ZYG11B: variants seen among roughly 807,000 people sequenced by gnomAD.
ZYG11B encodes zyg-11 family member B, cell cycle regulator, also known as protein zyg-11 homolog B.
Under a neutral mutation model 82.4 loss-of-function variants are expected in ZYG11B, and 36 were observed. The observed-to-expected ratio is 0.44, with a 90% CI of 0.33 to 0.58. ZYG11B has a LOEUF of 0.58. ZYG11B is among the 20% of genes least tolerant of loss of function. The probability of loss-of-function intolerance (pLI) is 0.02; values close to 1 mark genes in which losing one functional copy is unlikely to be tolerated. For synonymous variants in ZYG11B, 303 were observed against 312.8 expected, an observed-to-expected ratio of 0.97 and a Z score of 0.33; for missense variants, 552 against 895.6, an observed-to-expected ratio of 0.62 and a Z score of 4.90.
In ZYG11B at chr1:52,756,541, A is replaced by G; in HGVS notation, c.114A>G (p.Gln38=). ...TTGAGAAGTTCTGTTCAGCCAGACA[A>G]GATGGAACATTGTGTCTGCAGGAAC... is the stretch of plus-strand genomic sequence containing the variant. ...THLEKFCSAR[Q]DGTLCLQEPG... The change falls in exon 2 of 14, where the codon CAA becomes CAG. Residue 38 remains glutamine, a synonymous_variant. Coordinates refer to ENST00000294353, the MANE Select transcript of ZYG11B (RefSeq NM_024646.3). The G allele has an allele frequency of 1.2e-6, 2 of 1,614,118 alleles. No individual in the cohort carries two copies. The highest frequency in any genetic ancestry group is 8.5e-7 in the Non-Finnish European group (1 of 1,179,988).
intron 1 of ZYG11B, among the ~76,000 whole-genome samples, chr1:52,741,791 A>G (rs539510500): frequency 1.3e-5 from 2 of 152,274 alleles, no homozygotes; most frequent in Admixed American, 6.5e-5. Flanking sequence ...CAACAATCCT[A>G]TGACATAGGC....
At chr1:52,792,737 T>TA (rs1644970184) in intron 6 of ZYG11B, among the ~76,000 whole-genome samples, 1 of 152,248 alleles carries the variant, frequency 6.6e-6, no homozygotes, top group African/African-American at 2.4e-5. Context: ...AAATTAACTT[T>TA]TATAAAGAAC....
chr1:52,786,398 G>A (rs1389718977), intron 5 of ZYG11B, among the ~76,000 whole-genome samples: 1 of 152,110 alleles, frequency 6.6e-6, no homozygotes, highest in African/African-American at 2.4e-5. Context: ...TTAAGTAGGT[G>A]AATCGTATGG....
At chr1:52,747,500 G>A (rs6685599) in intron 1 of ZYG11B, among the ~76,000 whole-genome samples, 90,677 of 151,924 alleles carry the variant, frequency 0.6, 29,735 homozygotes, top group East Asian at 0.97. Context: ...ACAGACCTGG[G>A]TTTGTATCTT....
At chr1:52,775,466 G>A (rs1435490507) in intron 3 of ZYG11B, among the ~76,000 whole-genome samples, 8 of 151,218 alleles carry the variant, frequency 5.3e-5, no homozygotes, top group African/African-American at 9.7e-5. Flanking sequence ...CAAGGCGGGC[G>A]GATCACTTGA....
intron 1 of ZYG11B, among the ~76,000 whole-genome samples, chr1:52,747,799 T>C (rs1198884861): frequency 6.6e-6 from 1 of 152,166 alleles, no homozygotes; most frequent in East Asian, 1.9e-4. Context: ...AAAGCACAGA[T>C]TTAACTCTAG....
At chr1:52,803,099 C>CAT (rs1165271089) in intron 10 of ZYG11B, among the ~76,000 whole-genome samples, 3 of 10,794 alleles carry the variant, frequency 2.8e-4, no homozygotes, top group African/African-American at 9.1e-4. Flanking sequence ...TATATATATA[C>CAT]ATATATATAT....
chr1:52,756,633 T>A lies in ZYG11B; in HGVS notation c.196+10T>A. On this transcript the variant is annotated intron_variant, in intron 2 of 13. Transcript: ENST00000294353. ...ACCATGGCTTTTCATGGTAAAAAAA[T>A]AAACAGAGGAAACAAAAATTATGTG... The A allele has an allele frequency of 6.3e-7, 1 of 1,590,884 alleles. No homozygotes were observed. The highest frequency in any genetic ancestry group is 8.6e-7 in the Non-Finnish European group (1 of 1,166,452).
chr1:52,773,207 C>T (rs1443783920), intron 3 of ZYG11B, among the ~76,000 whole-genome samples: 1 of 151,918 alleles, frequency 6.6e-6, no homozygotes, highest in Non-Finnish European at 1.5e-5. Flanking sequence ...GGTGCAGTGG[C>T]TCACACCTAT....
chr1:52,800,135 G>A lies in ZYG11B; in HGVS notation c.1486-1684G>A, dbSNP rs543662852. 2.0e-5 allele frequency among the ~76,000 whole-genome samples: 3 copies of A among 151,956 alleles called. No individual in the cohort carries two copies. In the South Asian group the frequency reaches 6.3e-4, roughly 32 times the overall value. On this transcript the variant is annotated intron_variant, in intron 8 of 13. Transcript: ENST00000294353. The stretch of plus-strand genomic sequence containing the variant: ...TAATAAAAAAAAAAAAATTAGCTGG[G>A]CTTGGTGACATGCACCTGTGGTCTC...
chr1:52,751,370 C>A (rs1240153621), intron 1 of ZYG11B, among the ~76,000 whole-genome samples: 1 of 149,530 alleles, frequency 6.7e-6, no homozygotes, highest in Non-Finnish European at 1.5e-5. Context: ...TGGCTCACAC[C>A]TGTAATCCCA....
chr1:52,780,732 G>A (rs964205789), intron 4 of ZYG11B, among the ~76,000 whole-genome samples: 1 of 152,138 alleles, frequency 6.6e-6, no homozygotes, highest in Non-Finnish European at 1.5e-5. Context: ...AACCTCCCAA[G>A]TAGCTAGGAC....
At chr1:52,807,041 G>T (rs1645146761) in intron 10 of ZYG11B, among the ~76,000 whole-genome samples, 2 of 151,866 alleles carry the variant, frequency 1.3e-5, no homozygotes, top group African/African-American at 4.8e-5. Flanking sequence ...GCAAATTTTT[G>T]TATTTTTAGT....
At chr1:52,767,808 G>C (rs999381534) in intron 2 of ZYG11B, among the ~76,000 whole-genome samples, 1 of 152,086 alleles carries the variant, frequency 6.6e-6, no homozygotes, top group African/African-American at 2.4e-5. Context: ...ATTACTGTTG[G>C]GCAGTTGTGA....
chr1:52,796,458 C>A, intron 7 of ZYG11B, 67 bp downstream of exon 7: 1 of 1,322,654 alleles, frequency 7.6e-7, no homozygotes, highest in Non-Finnish European at 1.1e-6. Flanking sequence ...CTGTTTCCCC[C>A]CAAAAGCTGT....
chr1:52,805,781 A>T (rs1379351449), intron 10 of ZYG11B, among the ~76,000 whole-genome samples: 1 of 152,156 alleles, frequency 6.6e-6, no homozygotes, highest in Non-Finnish European at 1.5e-5. Flanking sequence ...GTGAACCAAG[A>T]TCACGCCACT....
intron 8 of ZYG11B, among the ~76,000 whole-genome samples, chr1:52,797,445 T>A (rs1471548006): frequency 9.2e-6 from 1 of 108,402 alleles, no homozygotes; most frequent in African/African-American, 3.6e-5. Flanking sequence ...AACATATATA[T>A]TATATATCAT....
intron 8 of ZYG11B, among the ~76,000 whole-genome samples, chr1:52,801,527 G>A (rs1306024347): frequency 8.9e-6 from 1 of 111,840 alleles, no homozygotes; most frequent in African/African-American, 4.8e-5. Flanking sequence ...TCTAAAATAA[G>A]TATATGCTGT....
At chr1:52,760,313 G>A (rs917321414) in intron 2 of ZYG11B, among the ~76,000 whole-genome samples, 2 of 152,012 alleles carry the variant, frequency 1.3e-5, no homozygotes, top group African/African-American at 2.4e-5. Flanking sequence ...GCGTGGTGGC[G>A]GGCGCCTGTA....
Sources: gnomAD v4.1 joint callset for allele counts (sites outside exome capture counted in the v4.1 genomes callset) on GRCh38, gnomAD v4.1.1 for gene constraint, MANE v1.5 for transcripts, NCBI Gene and HGNC (gene_info 2026-07-23, HGNC 2026-07-21) for gene names.